CPVL: variants seen among roughly 807,000 people sequenced by gnomAD.
CPVL encodes the protein probable serine carboxypeptidase CPVL.
In CPVL, 51 loss-of-function variants were observed where a neutral mutation model predicts 63.7. That is an observed-to-expected ratio of 0.80 (90% confidence interval 0.64 to 1.01). CPVL has a LOEUF of 1.01. CPVL is among the 50% of genes least tolerant of loss of function. The pLI is 0.00. For missense variants in CPVL, 530 were observed against 573.1 expected (o/e 0.92, Z 0.77); for synonymous variants, 195 against 206.0 (o/e 0.95, Z 0.46).
chr7:29,013,310 C>CA (rs1786043804), intron 12 of CPVL: 1 of 152,204 alleles, frequency 6.6e-6, no homozygotes, highest in African/African-American at 2.4e-5. Flanking sequence ...CAGACCCACC[C>CA]AGCTGAGCTC....
intron 1 of CPVL, among the ~76,000 whole-genome samples, chr7:29,144,341 AC>A (rs34966281): frequency 0.12 from 18,180 of 152,080 alleles, 1,130 homozygotes; most frequent in Non-Finnish European, 0.14. Flanking sequence ...TGGGAGGATC[AC>A]TTGAGGTCAG....
intron 7 of CPVL, among the ~76,000 whole-genome samples, chr7:29,079,931 G>C (rs1301496191): frequency 1.3e-5 from 2 of 152,182 alleles, no homozygotes; most frequent in East Asian, 3.8e-4. Flanking sequence ...TTGACAACAA[G>C]TCAGAATGGG....
intron 12 of CPVL, among the ~76,000 whole-genome samples, chr7:28,998,886 C>A (rs186954693): frequency 1.3e-3 from 199 of 152,090 alleles, no homozygotes; most frequent in African/African-American, 4.6e-3. Flanking sequence ...TCATAAAAAA[C>A]CTTGGTTTAA....
chr7:29,032,648 T>C (rs1251189364), intron 11 of CPVL, among the ~76,000 whole-genome samples: 2 of 152,212 alleles, frequency 1.3e-5, no homozygotes, highest in Non-Finnish European at 2.9e-5. Flanking sequence ...TCATCAAGCA[T>C]AAAGTGATTC....
intron 3 of CPVL, among the ~76,000 whole-genome samples, chr7:29,110,918 G>A (rs868215383): frequency 7.9e-5 from 12 of 152,214 alleles, no homozygotes; most frequent in African/African-American, 2.9e-4. Flanking sequence ...GGCTGCCTTT[G>A]CAGGCTTTGA....
Position 29,086,563 on chromosome 7 carries a change from G to T in CPVL, c.543-13C>A. The T allele has an allele frequency of 6.4e-7, 1 of 1,552,436 alleles. No individual in the cohort carries two copies. Among genetic ancestry groups the T allele is most frequent in the South Asian group, 1.1e-5 (1 of 89,602 alleles). On this transcript the variant is annotated splice_polypyrimidine_tract_variant and intron_variant, in intron 6 of 12. Coordinates refer to ENST00000265394, the MANE Select transcript of CPVL (RefSeq NM_031311.5). ...CTGAATTAGTGCACTGCAAAAAGAA[G>T]AACAAGAACAACACAAATTAATCAG...
chr7:29,003,090 A>G (rs1784817102), intron 12 of CPVL, among the ~76,000 whole-genome samples: 1 of 144,904 alleles, frequency 6.9e-6, no homozygotes, highest in Admixed American at 7.0e-5. Flanking sequence ...AAGCAAACTA[A>G]CCACATCATA....
chr7:29,078,599 T>C (rs1330923162), intron 7 of CPVL, among the ~76,000 whole-genome samples: 1 of 152,248 alleles, frequency 6.6e-6, no homozygotes, highest in Non-Finnish European at 1.5e-5. Flanking sequence ...TAACTTAGCA[T>C]TTCTCATTCT....
chr7:29,022,892 A>G (rs1444414655), intron 12 of CPVL, among the ~76,000 whole-genome samples: 1 of 152,222 alleles, frequency 6.6e-6, no homozygotes, highest in Non-Finnish European at 1.5e-5. Context: ...AGGCCTAGAG[A>G]TCAATACACC....
At chr7:29,129,495 G>A (rs376646674) in intron 1 of CPVL, among the ~76,000 whole-genome samples, 1 of 143,240 alleles carries the variant, frequency 7.0e-6, no homozygotes, top group Non-Finnish European at 1.5e-5. Context: ...TTTTTGAGAC[G>A]AGTCTCGCTC....
In CPVL at chr7:29,072,410, T is replaced by C; in HGVS notation, c.623A>G (p.Lys208Arg). The C allele has an allele frequency of 6.2e-7, 1 of 1,613,976 alleles. No homozygotes were observed. The highest frequency in any genetic ancestry group is 8.5e-7 in the Non-Finnish European group (1 of 1,179,924). The change falls in exon 8 of 13, where the codon AAA becomes AGA. Residue 208 changes from lysine to arginine, a missense_variant. Coordinates refer to ENST00000265394, the MANE Select transcript of CPVL (RefSeq NM_031311.5). ...GAGGTGTGCAATGGCTGGCACATAT[T>C]TCCCTGCATAAGACTGAGAAGGACA... ...FYVTGESYAG[K>R]YVPAIAHLIH... is the part of the protein sequence containing the mutation.
intron 5 of CPVL, among the ~76,000 whole-genome samples, chr7:29,156,789 A>G (rs879408709): frequency 1.3e-5 from 2 of 148,578 alleles, no homozygotes; most frequent in Non-Finnish European, 3.0e-5. Context: ...AGCTAAAGAA[A>G]AAGTCCAAGA....
At chr7:29,039,294 A>G (rs1172761631) in intron 11 of CPVL, among the ~76,000 whole-genome samples, 1 of 152,236 alleles carries the variant, frequency 6.6e-6, no homozygotes, top group African/African-American at 2.4e-5. Context: ...GAACAGAATC[A>G]GATGAGAATT....
intron 12 of CPVL, among the ~76,000 whole-genome samples, chr7:29,013,704 A>AC (rs924446973): frequency 5.9e-5 from 9 of 152,268 alleles, no homozygotes; most frequent in African/African-American, 1.9e-4. Context: ...ATAGAGATGC[A>AC]CCCCACTGGA....
chr7:29,089,160 G>A (rs1785516409), intron 6 of CPVL, among the ~76,000 whole-genome samples: 1 of 152,140 alleles, frequency 6.6e-6, no homozygotes. Context: ...TCTGCTCGCA[G>A]AAAGGTACCT....
At chr7:29,049,146 A>T (rs775196480) in intron 11 of CPVL, among the ~76,000 whole-genome samples, 1 of 152,048 alleles carries the variant, frequency 6.6e-6, no homozygotes, top group Non-Finnish European at 1.5e-5. Flanking sequence ...ACCCAAACCC[A>T]GCAGAAGAAA....
At chr7:28,996,049 T>C in intron 12 of CPVL, 167 bp from the exon 13 acceptor site, 1 of 511,024 alleles carries the variant, frequency 2.0e-6, no homozygotes, top group Non-Finnish European at 3.4e-6. Flanking sequence ...TTGATGGCTT[T>C]TGTAACAGGC....
At chr7:29,061,020 A>G (rs932761396) in intron 11 of CPVL, among the ~76,000 whole-genome samples, 3 of 152,200 alleles carry the variant, frequency 2.0e-5, no homozygotes, top group Admixed American at 2.0e-4. Context: ...AGCAGCAGCC[A>G]CTTTTTGGTG....
chr7:29,142,512 C>T (rs1792000268), intron 1 of CPVL, among the ~76,000 whole-genome samples: 1 of 145,344 alleles, frequency 6.9e-6, no homozygotes, highest in Non-Finnish European at 1.5e-5. Context: ...CTTCCTCCTT[C>T]TATGACTTCC....
Sources: allele counts gnomAD v4.1 joint callset (sites outside exome capture counted in the v4.1 genomes callset), GRCh38; gene constraint gnomAD v4.1.1; transcripts MANE v1.5; gene names NCBI Gene and HGNC (gene_info 2026-07-23, HGNC 2026-07-21).